Variants in MAP4 observed in about 807,000 individuals in gnomAD.
MAP4 encodes the protein microtubule associated protein 4.
Under a neutral mutation model 170.2 loss-of-function variants are expected in MAP4, and 76 were observed. That is an observed-to-expected ratio of 0.45 (90% CI 0.37 to 0.54). The LOEUF (loss-of-function observed/expected upper bound fraction) is 0.54. MAP4 is among the 20% of genes least tolerant of loss of function. MAP4 has a pLI of 0.00. For missense variants in MAP4, 2,506 were observed against 2,748.0 expected (o/e 0.91, Z 1.97); for synonymous variants, 909 against 994.5 (o/e 0.91, Z 1.62).
At chr3:48,051,713 C>G (rs1013961233) in intron 1 of MAP4, among the ~76,000 whole-genome samples, 7 of 152,196 alleles carry the variant, frequency 4.6e-5, no homozygotes, top group African/African-American at 1.7e-4. Flanking sequence ...AACTACATCC[C>G]AGGCTCTAGA....
chr3:47,865,966 C>T (rs991939720), intron 17 of MAP4, among the ~76,000 whole-genome samples: 1 of 152,180 alleles, frequency 6.6e-6, no homozygotes, highest in African/African-American at 2.4e-5. Context: ...GTCCCTAATA[C>T]ACATCATAGA....
chr3:47,929,464 T>C (rs1480444709), intron 3 of MAP4, among the ~76,000 whole-genome samples: 2 of 151,768 alleles, frequency 1.3e-5, no homozygotes, highest in Non-Finnish European at 2.9e-5. Context: ...CAACTGGCTA[T>C]CTACAAACAT....
chr3:47,936,551 C>T (rs1280929402), intron 3 of MAP4, among the ~76,000 whole-genome samples: 1 of 150,256 alleles, frequency 6.7e-6, no homozygotes. Context: ...ACAAAATATA[C>T]AAATATACAA....
chr3:47,981,528 G>C (rs1288653074), intron 2 of MAP4, among the ~76,000 whole-genome samples: 2 of 152,138 alleles, frequency 1.3e-5, no homozygotes, highest in Non-Finnish European at 2.9e-5. Flanking sequence ...CCAGCACTTT[G>C]GGAGGCTGAG....
chr3:48,049,728 T>C (rs910595004), intron 1 of MAP4, among the ~76,000 whole-genome samples: 2 of 152,052 alleles, frequency 1.3e-5, no homozygotes, highest in African/African-American at 4.8e-5. Flanking sequence ...GTCAGGAGTT[T>C]GAGACCAGCC....
intron 1 of MAP4, among the ~76,000 whole-genome samples, chr3:48,084,048 TATAA>T (rs1417991880): frequency 6.6e-6 from 1 of 151,718 alleles, no homozygotes; most frequent in Admixed American, 6.6e-5. Flanking sequence ...TTTTTTAACC[TATAA>T]ATAATCACAA....
At chr3:47,902,623 G>A (rs1053233337) in intron 10 of MAP4, among the ~76,000 whole-genome samples, 8 of 134,834 alleles carry the variant, frequency 5.9e-5, no homozygotes, top group African/African-American at 1.4e-4. Context: ...GCAGTGAGCC[G>A]AGATTGTGCC....
At chr3:48,087,313 T>C (rs1331001423) in intron 1 of MAP4, among the ~76,000 whole-genome samples, 1 of 152,184 alleles carries the variant, frequency 6.6e-6, no homozygotes, top group East Asian at 1.9e-4. Flanking sequence ...ACTTTAATGT[T>C]GTCTACCAAA....
intron 1 of MAP4, among the ~76,000 whole-genome samples, chr3:48,062,236 C>T (rs1361559586): frequency 6.6e-6 from 1 of 152,138 alleles, no homozygotes; most frequent in Non-Finnish European, 1.5e-5. Flanking sequence ...GCTGTGTCCA[C>T]TCAGGGTTAA....
chr3:47,910,127 G>T lies in MAP4; in HGVS notation c.4294C>A (p.Leu1432Ile), dbSNP rs760930002. The change falls in exon 9 of 21, where the codon CTA becomes ATA. Residue 1432 changes from leucine to isoleucine, a missense_variant. Around this residue, in one of 3 missense-constraint regions of MAP4, gnomAD observed 2,008 missense variants for 2,206.0 expected, o/e 0.91. Transcript: ENST00000683076. ...CAGGCTGCTGATTCCAGAACCTCTA[G>T]AGGAGATGATTTATTTATCAGCTCT... ...PSELINKSSP[L>I]EVLESAACEK... is the part of the protein sequence containing the mutation. The T allele has an allele frequency of 3.1e-6, 5 of 1,613,844 alleles. No individual in the cohort carries two copies. In the East Asian group the frequency reaches 1.1e-4, roughly 36 times the overall value.
At chr3:48,021,389 A>G (rs1441997539), upstream of MAP4, among the ~76,000 whole-genome samples, 1 of 151,800 alleles carries the variant, frequency 6.6e-6, no homozygotes, top group Admixed American at 6.6e-5. Context: ...TCTGTTGCCC[A>G]GGCTGGAGTG....
At chr3:47,894,095 A>G (rs2153133261) in intron 10 of MAP4, among the ~76,000 whole-genome samples, 1 of 152,174 alleles carries the variant, frequency 6.6e-6, no homozygotes, top group Non-Finnish European at 1.5e-5. Flanking sequence ...CTGAACATGA[A>G]CTGAGCCTCA....
chr3:47,973,209 TAA>T, intron 3 of MAP4: 1 of 981,462 alleles, frequency 1.0e-6, no homozygotes, highest in Non-Finnish European at 1.2e-6. Flanking sequence ...AATGAAATTA[TAA>T]AAACATTATT....
At chr3:48,025,357 C>A (rs1193196620) in intron 1 of MAP4, among the ~76,000 whole-genome samples, 2 of 148,982 alleles carry the variant, frequency 1.3e-5, no homozygotes, top group Non-Finnish European at 3.0e-5. Flanking sequence ...GGTGCGATCT[C>A]GGCTCACTGC....
At chr3:47,882,159 A>T (rs2096872790) in intron 10 of MAP4, among the ~76,000 whole-genome samples, 1 of 152,070 alleles carries the variant, frequency 6.6e-6, no homozygotes, top group South Asian at 2.1e-4. Flanking sequence ...GGCGCCTGTA[A>T]TCCCAGCTAC....
intron 1 of MAP4, among the ~76,000 whole-genome samples, chr3:48,025,918 T>C (rs2100112846): frequency 2.0e-5 from 3 of 147,048 alleles, no homozygotes; most frequent in African/African-American, 7.4e-5. Flanking sequence ...ATAATAATAA[T>C]AATAATAATA....
intron 3 of MAP4, among the ~76,000 whole-genome samples, chr3:47,929,584 A>G (rs1461969802): frequency 6.7e-6 from 1 of 150,168 alleles, no homozygotes; most frequent in Non-Finnish European, 1.5e-5. Context: ...TTAACTCCAA[A>G]CAGATCAAAG....
At chr3:47,882,823 T>A (rs76391991) in intron 10 of MAP4, among the ~76,000 whole-genome samples, 3 of 152,046 alleles carry the variant, frequency 2.0e-5, no homozygotes, top group Non-Finnish European at 2.9e-5. Context: ...TTTTTTTTTT[T>A]AAAGACAGAG....
At chr3:48,053,780 T>C (rs897152944) in intron 1 of MAP4, among the ~76,000 whole-genome samples, 4 of 152,176 alleles carry the variant, frequency 2.6e-5, no homozygotes, top group Admixed American at 6.5e-5. Context: ...TGATACCAAA[T>C]TGGTGCTATA....
Sources: gnomAD v4.1 joint callset for allele counts (sites outside exome capture counted in the v4.1 genomes callset) on GRCh38, gnomAD v4.1.1 for gene constraint, gnomAD v4.1.1 regional missense constraint, MANE v1.5 for transcripts, NCBI Gene and HGNC (gene_info 2026-07-23, HGNC 2026-07-21) for gene names.